Variants in SPOCK1 observed in about 807,000 individuals in gnomAD.
The protein encoded by SPOCK1 is SPARC (osteonectin), cwcv and kazal like domains proteoglycan 1.
SPOCK1 carries 23 observed loss-of-function variants against 55.3 expected under a neutral mutation model. That is an observed-to-expected ratio of 0.42 (90% CI 0.30 to 0.59). The LOEUF is 0.59. Among genes scored for constraint, SPOCK1 ranks in the 20% least tolerant of loss-of-function variants. The probability of loss-of-function intolerance (pLI) is 0.22; values close to 1 mark genes in which losing one functional copy is unlikely to be tolerated. For synonymous variants in SPOCK1, 226 were observed against 221.0 expected (o/e 1.02, Z -0.20); for missense variants, 499 against 552.5 (o/e 0.90, Z 0.97).
In SPOCK1 at chr5:137,498,587, G is replaced by A. The variant is rs1033857962; in HGVS notation, c.1-29C>T. ...CGGGGCAGGGCGCGCAGGGCGATGA[G>A]CGAAGAGGGCGGGCGGCCGCGAGCC... is the stretch of plus-strand genomic sequence containing the variant. On this transcript the variant is annotated intron_variant, in intron 1 of 10. Transcript: ENST00000394945. 1.2e-5 allele frequency: 17 copies of A among 1,380,144 alleles called. No homozygotes were observed. The African/African-American group carries it at 2.6e-4, about 21-fold the overall frequency. 85.5% of individuals were successfully genotyped at this position (1,380,144 alleles called of 1,614,324 possible).
chr5:137,449,611 T>C (rs1753207066), intron 2 of SPOCK1, among the ~76,000 whole-genome samples: 1 of 152,096 alleles, frequency 6.6e-6, no homozygotes, highest in South Asian at 2.1e-4. Flanking sequence ...ACAAGGAGCC[T>C]GGCACAGTGG....
intron 2 of SPOCK1, among the ~76,000 whole-genome samples, chr5:137,427,639 ATGGCTCACACC>A (rs1351855215): frequency 6.6e-6 from 1 of 152,100 alleles, no homozygotes; most frequent in Non-Finnish European, 1.5e-5. Context: ...GCTGGGCACG[ATGGCTCACACC>A]TGTAATCCCA....
intron 2 of SPOCK1, among the ~76,000 whole-genome samples, chr5:137,335,334 A>T (rs1750234517): frequency 6.6e-6 from 1 of 152,192 alleles, no homozygotes; most frequent in South Asian, 2.1e-4. Context: ...ATCAGCACAC[A>T]TTGGCTTCAG....
chr5:136,993,764 A>C (rs1425036925), intron 6 of SPOCK1, among the ~76,000 whole-genome samples: 1 of 152,142 alleles, frequency 6.6e-6, no homozygotes, highest in East Asian at 1.9e-4. Flanking sequence ...GCCTGGGGGA[A>C]TCCCTGGGGT....
At chr5:137,269,199 G>C (rs1433368743) in intron 2 of SPOCK1, among the ~76,000 whole-genome samples, 4 of 152,178 alleles carry the variant, frequency 2.6e-5, no homozygotes, top group Non-Finnish European at 5.9e-5. Flanking sequence ...CTGCCTAATT[G>C]CTGCCAAAAT....
chr5:137,364,318 G>A (rs542255598), intron 2 of SPOCK1, among the ~76,000 whole-genome samples: 100 of 152,298 alleles, frequency 6.6e-4, no homozygotes, highest in Admixed American at 3.6e-3. Context: ...GCGGGGTGAC[G>A]TTTTTTGCAG....
chr5:137,352,608 T>C (rs80288898), intron 2 of SPOCK1, among the ~76,000 whole-genome samples: 4,547 of 150,658 alleles, frequency 0.03, 230 homozygotes, highest in African/African-American at 0.11. Context: ...GAAGCCATGG[T>C]GGAAAGACGC....
chr5:136,979,517 C>T lies in SPOCK1; in HGVS notation c.992-48G>A, dbSNP rs746216911. On this transcript the variant is annotated intron_variant, in intron 9 of 10. Transcript: ENST00000394945. ...TTTAATCAGAGACATGCAGATGATA[C>T]TCGGGGTTAATGCCCGTCAACACAG... 17 of 1,597,826 alleles carry T rather than the reference C, an allele frequency of 1.1e-5. No individual in the cohort carries two copies. The South Asian group carries it at 1.7e-4, about 16-fold the overall frequency.
chr5:137,243,545 C>T (rs1467362305), intron 3 of SPOCK1, among the ~76,000 whole-genome samples: 1 of 152,152 alleles, frequency 6.6e-6, no homozygotes, highest in African/African-American at 2.4e-5. Context: ...TAATGGAAGA[C>T]TTATTCATGT....
Position 137,191,226 on chromosome 5 carries a change from C to G in SPOCK1, c.233-50532G>C, listed in dbSNP as rs993457616. Among the ~76,000 whole-genome samples, 3 of 152,212 alleles carry G rather than the reference C, an allele frequency of 2.0e-5. No individual in the cohort carries two copies. In the East Asian group the frequency reaches 5.8e-4, roughly 29 times the overall value. Reference sequence around the variant, plus strand: ...GTTTCCTCTTCTGAAAAATGAGAAACATAAAACATCCCCTCACATGGGTTT... The same window carrying G: ...GTTTCCTCTTCTGAAAAATGAGAAAGATAAAACATCCCCTCACATGGGTTT... On this transcript the variant is annotated intron_variant, in intron 3 of 10. Transcript: ENST00000394945.
intron 6 of SPOCK1, among the ~76,000 whole-genome samples, chr5:137,037,416 A>G (rs1282689552): frequency 6.6e-6 from 1 of 151,252 alleles, no homozygotes; most frequent in Non-Finnish European, 1.5e-5. Context: ...ATGAGAGCAA[A>G]CCTTCCTCTG....
intron 2 of SPOCK1, among the ~76,000 whole-genome samples, chr5:137,338,480 C>T (rs528592637): frequency 0.015 from 2,253 of 152,080 alleles, 56 homozygotes; most frequent in African/African-American, 0.052. Flanking sequence ...AATAAACACA[C>T]GTGTACATGT....
chr5:136,993,856 G>A (rs1339649496), intron 6 of SPOCK1, among the ~76,000 whole-genome samples: 1 of 152,166 alleles, frequency 6.6e-6, no homozygotes, highest in Non-Finnish European at 1.5e-5. Context: ...TTCAACCAAC[G>A]CAGGACCTGA....
intron 4 of SPOCK1, 115 bp from the exon 5 acceptor site, chr5:137,112,676 G>A: frequency 7.8e-7 from 1 of 1,284,244 alleles, no homozygotes; most frequent in Non-Finnish European, 1.1e-6. Flanking sequence ...ACCAGGCCAA[G>A]GGATCCTGAG....
intron 2 of SPOCK1, among the ~76,000 whole-genome samples, chr5:137,405,821 G>A (rs1694513667): frequency 6.6e-6 from 1 of 152,172 alleles, no homozygotes; most frequent in Non-Finnish European, 1.5e-5. Flanking sequence ...GCTGTGCTGT[G>A]GATCAACAGT....
intron 2 of SPOCK1, among the ~76,000 whole-genome samples, chr5:137,496,241 A>G (rs1754297096): frequency 6.6e-6 from 1 of 152,214 alleles, no homozygotes. Context: ...TTTAACAAGC[A>G]CTTCAGGTGA....
rs201137867 is a variant in SPOCK1 at position 137,197,281 on chromosome 5, AT to A, written c.233-56588del. ...TGCTGGCACCTGCTTGTTTTGCACC[AT>A]TAAAAAGATGTGGCTGAGGAAGATC... On this transcript the variant is annotated intron_variant, in intron 3 of 10. Transcript: ENST00000394945. Among the ~76,000 whole-genome samples the A allele has an allele frequency of 9.9e-3, 1,500 of 152,280 alleles. 13 individuals carry two copies. The highest frequency in any genetic ancestry group is 0.013 in the Non-Finnish European group (896 of 68,020).
In SPOCK1 at chr5:137,050,946, C is replaced by G. The variant is rs192310149; in HGVS notation, c.589+16769G>C. On this transcript the variant is annotated intron_variant, in intron 6 of 10. Coordinates refer to ENST00000394945, the MANE Select transcript of SPOCK1 (RefSeq NM_004598.4). ...CAAGGAGGCTTGGAGAGATGTGTGCCACATTTCCAGATGGAACAACAACTT... is the reference window on the plus strand; with the variant it reads ...CAAGGAGGCTTGGAGAGATGTGTGCGACATTTCCAGATGGAACAACAACTT... Among the ~76,000 whole-genome samples the G allele has an allele frequency of 2.0e-3, 304 of 152,300 alleles. 1 individual carries two copies. Among genetic ancestry groups the G allele is most frequent in the Admixed American group, 3.6e-3 (55 of 15,304 alleles).
At chr5:137,084,550 G>A (rs181465394) in intron 5 of SPOCK1, among the ~76,000 whole-genome samples, 90 of 152,008 alleles carry the variant, frequency 5.9e-4, no homozygotes, top group African/African-American at 2.0e-3. Context: ...GTGTGGCAGG[G>A]GCACTGGGAA....
Sources: gnomAD v4.1 joint callset for allele counts (sites outside exome capture counted in the v4.1 genomes callset) on GRCh38, gnomAD v4.1.1 for gene constraint, MANE v1.5 for transcripts, NCBI Gene and HGNC (gene_info 2026-07-23, HGNC 2026-07-21) for gene names.